The following PIWIL2 variants were observed in gnomAD, a reference collection of about 807,000 sequenced individuals.
PIWIL2 encodes piwi like RNA-mediated gene silencing 2, also known as piwi-like protein 2.
A neutral mutation model predicts 116.5 loss-of-function variants in PIWIL2; 81 were observed. The observed-to-expected ratio is 0.70, with a 90% CI of 0.58 to 0.84. The LOEUF (loss-of-function observed/expected upper bound fraction) is 0.84. Among genes scored for constraint, PIWIL2 ranks in the 40% least tolerant of loss-of-function variants. The probability of loss-of-function intolerance (pLI) is 0.00; values close to 1 mark genes in which losing one functional copy is unlikely to be tolerated. For missense variants in PIWIL2, 1,272 were observed against 1,212.3 expected (o/e 1.05, Z -0.73); for synonymous variants, 489 against 429.5 (o/e 1.14, Z -1.71).
intron 10 of PIWIL2, among the ~76,000 whole-genome samples, chr8:22,298,689 A>G (rs1032650284): frequency 6.6e-6 from 1 of 152,214 alleles, no homozygotes; most frequent in African/African-American, 2.4e-5. Flanking sequence ...CCTCTGTTCT[A>G]TCGGAAATAA....
chr8:22,340,533 C>G (rs1423903436), intron 20 of PIWIL2, among the ~76,000 whole-genome samples: 2 of 151,862 alleles, frequency 1.3e-5, no homozygotes, highest in African/African-American at 4.8e-5. Flanking sequence ...ATGGGTATTA[C>G]CTTAAGAAGA....
chr8:22,314,082 C>G (rs894068630), intron 16 of PIWIL2, among the ~76,000 whole-genome samples: 3 of 152,154 alleles, frequency 2.0e-5, no homozygotes, highest in African/African-American at 7.2e-5. Flanking sequence ...TTTTGGTAAT[C>G]AGGGCCAGCT....
At chr8:22,286,583 G>A (rs896514524) in intron 6 of PIWIL2, among the ~76,000 whole-genome samples, 3 of 152,082 alleles carry the variant, frequency 2.0e-5, no homozygotes, top group African/African-American at 7.2e-5. Context: ...TTGAGGCTAG[G>A]AGTTCCAGAC....
At chr8:22,349,093 G>T (rs1327995626) in intron 20 of PIWIL2, among the ~76,000 whole-genome samples, 2 of 143,698 alleles carry the variant, frequency 1.4e-5, no homozygotes, top group African/African-American at 5.1e-5. Flanking sequence ...CTGTCACCCA[G>T]GCTGGAGTGC....
intron 16 of PIWIL2, among the ~76,000 whole-genome samples, chr8:22,312,388 C>T (rs978379067): frequency 4.6e-5 from 7 of 152,100 alleles, no homozygotes; most frequent in Non-Finnish European, 1.0e-4. Context: ...CCTCAGCCTT[C>T]CAAGTAGCTG....
At chr8:22,323,528 C>T (rs184012772) in intron 20 of PIWIL2, among the ~76,000 whole-genome samples, 4 of 152,248 alleles carry the variant, frequency 2.6e-5, no homozygotes, top group Non-Finnish European at 4.4e-5. Flanking sequence ...CAGTGCCCAG[C>T]CCAGTCATTT....
chr8:22,309,855 A>T, intron 14 of PIWIL2, 106 bp from the exon 15 acceptor site: 1 of 642,662 alleles, frequency 1.6e-6, no homozygotes, highest in Admixed American at 2.6e-5. Flanking sequence ...TCTAACAGGG[A>T]CAAGTGTCTG....
intron 20 of PIWIL2, among the ~76,000 whole-genome samples, chr8:22,330,829 C>T (rs1215753781): frequency 6.6e-6 from 1 of 152,170 alleles, no homozygotes; most frequent in East Asian, 1.9e-4. Flanking sequence ...CCCATGCATA[C>T]GTGTCCTACT....
At chr8:22,311,001 G>A in intron 15 of PIWIL2, 111 bp from the exon 16 acceptor site, 1 of 904,058 alleles carries the variant, frequency 1.1e-6, no homozygotes, top group Non-Finnish European at 1.7e-6. Flanking sequence ...AGATAAGACA[G>A]GATTCAAGCA....
chr8:22,336,159 A>T (rs992849700), intron 20 of PIWIL2, among the ~76,000 whole-genome samples: 6 of 152,216 alleles, frequency 3.9e-5, no homozygotes, highest in Non-Finnish European at 8.8e-5. Flanking sequence ...CCTAACAGAC[A>T]TCTATAAAAC....
At chr8:22,275,492 G>GC (rs1830340266) in intron 1 of PIWIL2, 94 bp downstream of exon 1, 1 of 152,226 alleles carries the variant, frequency 6.6e-6, no homozygotes, top group South Asian at 2.1e-4. Flanking sequence ...GGGGTGAGCC[G>GC]CCCTCCCGGG....
chr8:22,352,700 T>C (rs1832400153), intron 20 of PIWIL2: 5 of 410,126 alleles, frequency 1.2e-5, no homozygotes, highest in Admixed American at 7.7e-5. Context: ...ATAAGCCGTA[T>C]GCATGTGACT....
In PIWIL2 at chr8:22,279,129, G is replaced by T. The variant is rs373661492; in HGVS notation, c.-46-212G>T. On this transcript the variant is annotated intron_variant, in intron 1 of 22. Coordinates refer to ENST00000356766, the MANE Select transcript of PIWIL2 (RefSeq NM_018068.5). Reference sequence around the variant, plus strand: ...ATCTTCCAGGAAACCAGTCTCTGGTGCCAAAAAGGTTGGGGACCACTGCTC... The same window carrying T: ...ATCTTCCAGGAAACCAGTCTCTGGTTCCAAAAAGGTTGGGGACCACTGCTC... 3.9e-4 allele frequency among the ~76,000 whole-genome samples: 60 copies of T among 152,272 alleles called. No individual in the cohort carries two copies. In the South Asian group the frequency reaches 0.012, roughly 31 times the overall value.
At chr8:22,295,112 G>C (rs1830866962) in intron 10 of PIWIL2, among the ~76,000 whole-genome samples, 1 of 151,952 alleles carries the variant, frequency 6.6e-6, no homozygotes, top group South Asian at 2.1e-4. Context: ...TTTCTCCACA[G>C]TTATCTTGGA....
intron 20 of PIWIL2, among the ~76,000 whole-genome samples, chr8:22,352,609 G>A (rs774941123): frequency 2.6e-5 from 4 of 152,152 alleles, no homozygotes. Context: ...AGTTATTAGT[G>A]TTAAATCCAA....
intron 20 of PIWIL2, among the ~76,000 whole-genome samples, chr8:22,334,924 G>A (rs1399454421): frequency 2.0e-5 from 3 of 151,606 alleles, no homozygotes; most frequent in South Asian, 2.1e-4. Context: ...GCGTGGTGGC[G>A]GGCACCTGTA....
intron 20 of PIWIL2, among the ~76,000 whole-genome samples, chr8:22,332,008 T>A (rs1586586427): frequency 2.0e-5 from 3 of 151,844 alleles, no homozygotes; most frequent in African/African-American, 7.3e-5. Context: ...CTGGAAAGAG[T>A]CAACTGAAAG....
rs145290077 is a variant in PIWIL2 at position 22,302,081 on chromosome 8, C to A, written c.1182-1940C>A. Among the ~76,000 whole-genome samples, 632 of 152,138 alleles carry A rather than the reference C, an allele frequency of 4.2e-3. 5 individuals are homozygous for A. The highest frequency in any genetic ancestry group is 0.015 in the African/African-American group (611 of 41,512). ...TTTCTCTTGTGCTTTCTTCTTTGAT[C>A]TGTGGGTTATTTAGAGTGTATTATA... is the stretch of plus-strand genomic sequence containing the variant. On this transcript the variant is annotated intron_variant, in intron 10 of 22. Transcript: ENST00000356766.
In PIWIL2 at chr8:22,355,772, G is replaced by T. The variant is rs553116132; in HGVS notation, c.*267G>T. On this transcript the variant is annotated 3_prime_UTR_variant, in exon 23 of 23. Coordinates refer to ENST00000356766, the MANE Select transcript of PIWIL2 (RefSeq NM_018068.5). ...TCTGCAGGTGGAGCGGGTGACTCTG[G>T]GGGACCATTAAGACCTCCAGACCGG... 20 of 437,230 alleles carry T rather than the reference G, an allele frequency of 4.6e-5. No homozygotes were observed. In the South Asian group the frequency reaches 4.8e-4, roughly 10 times the overall value. 27.1% of individuals were successfully genotyped at this position (437,230 alleles called of 1,614,324 possible).
Sources: gnomAD v4.1 joint callset for allele counts (sites outside exome capture counted in the v4.1 genomes callset) on GRCh38, gnomAD v4.1.1 for gene constraint, MANE v1.5 for transcripts, NCBI Gene and HGNC (gene_info 2026-07-23, HGNC 2026-07-21) for gene names.